Variants in HIPK1 observed in about 807,000 individuals in gnomAD.
The protein encoded by HIPK1 is homeodomain interacting protein kinase 1.
Under a neutral mutation model 117.1 loss-of-function variants are expected in HIPK1, and 28 were observed. The observed-to-expected ratio is 0.24, with a 90% CI of 0.18 to 0.33. HIPK1 has a LOEUF of 0.33. Among genes scored for constraint, HIPK1 ranks in the 10% least tolerant of loss-of-function variants. HIPK1 has a pLI of 1.00. For synonymous variants in HIPK1, 605 were observed against 562.5 expected (o/e 1.08, Z -1.07); for missense variants, 1,122 against 1,475.1 (o/e 0.76, Z 3.92).
chr1:113,934,812 T>G (rs908764293), intron 1 of HIPK1, among the ~76,000 whole-genome samples: 3 of 141,340 alleles, frequency 2.1e-5, no homozygotes, highest in Non-Finnish European at 3.0e-5. Context: ...AAAAAAAAAT[T>G]AGCCAACTGT....
In HIPK1 at chr1:113,963,475, G is replaced by A. The variant is rs1192712824; in HGVS notation, c.2192G>A (p.Cys731Tyr). ...TATGCGGTGCCCTTTACTCTGAGCTGCGCAGCCGGCCGGCCGGCGCTGGTT... is the reference window on the plus strand; with the variant it reads ...TATGCGGTGCCCTTTACTCTGAGCTACGCAGCCGGCCGGCCGGCGCTGGTT... ...PQYAVPFTLS[C>Y]AAGRPALVEQ... The change falls in exon 10 of 16, where the codon TGC (cysteine) becomes TAC (tyrosine). Residue 731 changes from cysteine (C) to tyrosine (Y), a missense_variant. Physicochemically the swap from Cys to Tyr is radical, Grantham distance 194. This residue lies in a region of HIPK1 where 731 missense variants were observed against 860.4 expected (regional missense o/e 0.85). Coordinates refer to ENST00000426820, the MANE Select transcript of HIPK1 (RefSeq NM_198268.3). The A allele has an allele frequency of 1.9e-6, 3 of 1,614,236 alleles. No homozygotes were observed. The African/African-American group carries it at 4.0e-5, about 22-fold the overall frequency.
At chr1:113,943,345 C>T (rs775368587) in intron 2 of HIPK1, among the ~76,000 whole-genome samples, 1 of 152,172 alleles carries the variant, frequency 6.6e-6, no homozygotes, top group Non-Finnish European at 1.5e-5. Context: ...TATGAATTTG[C>T]CTATTCTAGA....
In HIPK1 at chr1:113,942,217, C is replaced by T. The variant is rs182764291; in HGVS notation, c.1076+758C>T. Among the ~76,000 whole-genome samples, 85 of 152,114 alleles carry T rather than the reference C, an allele frequency of 5.6e-4. 1 individual carries two copies. In the East Asian group the frequency reaches 0.013, roughly 22 times the overall value. Reference sequence around the variant, plus strand: ...CTGGGACTACAGGCACCTGCTACCACGCCCGGCTAATTTTTTTGTTTTTAA... The same window carrying T: ...CTGGGACTACAGGCACCTGCTACCATGCCCGGCTAATTTTTTTGTTTTTAA... On this transcript the variant is annotated intron_variant, in intron 2 of 15. Transcript: ENST00000426820.
At chr1:113,950,287 T>TG (rs2101266589) in intron 2 of HIPK1, among the ~76,000 whole-genome samples, 1 of 152,346 alleles carries the variant, frequency 6.6e-6, no homozygotes, top group South Asian at 2.1e-4. Context: ...ACCTGGGTAT[T>TG]CTGTGAGGAG....
intron 1 of HIPK1, 88 bp from the exon 2 acceptor site, chr1:113,940,294 A>G (rs1670561703): frequency 2.6e-6 from 3 of 1,168,288 alleles, no homozygotes; most frequent in South Asian, 1.5e-5. Context: ...TTTATCAAGT[A>G]AAAGTGTGTG....
intron 1 of HIPK1, among the ~76,000 whole-genome samples, chr1:113,940,077 T>TTAAA (rs1188467908): frequency 6.6e-6 from 1 of 151,908 alleles, no homozygotes; most frequent in Non-Finnish European, 1.5e-5. Context: ...AGTGCTGGAA[T>TTAAA]TAAAGGCTTG....
chr1:113,957,839 C>T (rs1671825870), intron 7 of HIPK1, among the ~76,000 whole-genome samples: 1 of 151,604 alleles, frequency 6.6e-6, no homozygotes, highest in Admixed American at 6.6e-5. Flanking sequence ...TAGCCACAGC[C>T]AACATAGGAC....
chr1:113,973,539 A>G lies in HIPK1; in HGVS notation c.*27A>G, dbSNP rs964503123. 1.9e-6 allele frequency: 3 copies of G among 1,549,378 alleles called. No homozygotes were observed. The highest frequency in any genetic ancestry group is 2.6e-6 in the Non-Finnish European group (3 of 1,144,724). On this transcript the variant is annotated 3_prime_UTR_variant, in exon 16 of 16. Transcript: ENST00000426820. ...TGGTGAGCATGAGGGAGGAGGAATC[A>G]TGGCTACCTTCTCCTGGCCCTGCGT...
At chr1:113,949,427 T>C (rs552785634) in intron 2 of HIPK1, among the ~76,000 whole-genome samples, 2 of 152,246 alleles carry the variant, frequency 1.3e-5, no homozygotes, top group East Asian at 1.9e-4. Context: ...AAAGCTTTTA[T>C]GTTGTTTCTG....
chr1:113,932,418 C>A (rs574025435), intron 1 of HIPK1, among the ~76,000 whole-genome samples: 1 of 149,998 alleles, frequency 6.7e-6, no homozygotes, highest in South Asian at 2.1e-4. Context: ...CGCCCTGTCG[C>A]CCAGGTCGGA....
At chr1:113,938,595 G>C (rs1443782060) in intron 1 of HIPK1, among the ~76,000 whole-genome samples, 1 of 151,848 alleles carries the variant, frequency 6.6e-6, no homozygotes, top group Non-Finnish European at 1.5e-5. Context: ...ATAAGGGTAG[G>C]GAAAAAGGGC....
rs1455070933 is a variant in HIPK1, at chr1:113,976,416, C to T, written c.*2904C>T. 1 of 152,356 alleles carries T rather than the reference C, an allele frequency of 6.6e-6. No homozygotes were observed. The highest frequency in any genetic ancestry group is 1.5e-5 in the Non-Finnish European group (1 of 68,000). The allele number at this position is 152,356 out of a possible 1,614,324, so 9.4% of individuals were successfully genotyped here. On this transcript the variant is annotated 3_prime_UTR_variant, in exon 16 of 16. Transcript: ENST00000426820. The stretch of plus-strand genomic sequence containing the variant: ...TTCCTTGTCTTTTTTCTGTAAGGGA[C>T]AAGATTTGTTGTTTTTGTAAGAAAT...
chr1:113,939,747 A>G (rs1670521404), intron 1 of HIPK1, among the ~76,000 whole-genome samples: 1 of 152,126 alleles, frequency 6.6e-6, no homozygotes, highest in Non-Finnish European at 1.5e-5. Context: ...GATAAATATG[A>G]AATGGCTTGT....
At chr1:113,960,026 C>T (rs914056332) in intron 8 of HIPK1, among the ~76,000 whole-genome samples, 4 of 152,262 alleles carry the variant, frequency 2.6e-5, no homozygotes, top group Admixed American at 2.6e-4. Flanking sequence ...GAATTCATAG[C>T]TTCTGTATTT....
intron 1 of HIPK1, chr1:113,933,351 T>C (rs952722753): frequency 1.1e-4 from 21 of 199,108 alleles, no homozygotes; most frequent in Middle Eastern, 2.6e-3. Context: ...CCAGAGAGAC[T>C]TGGTAGTATT....
At chr1:113,929,818 CG>C (rs369641268) in intron 1 of HIPK1, 28,288 of 982,576 alleles carry the variant, frequency 0.029, 514 homozygotes, top group Middle Eastern at 0.074. Flanking sequence ...GGGCGGGGGC[CG>C]GGGCCCGGGC....
At chr1:113,929,642 T>C in intron 1 of HIPK1, 110 bp downstream of exon 1, 7 of 1,048,502 alleles carry the variant, frequency 6.7e-6, no homozygotes, top group Non-Finnish European at 8.8e-6. Context: ...CAACGGCGGC[T>C]GCGGAGCAAG....
At chr1:113,929,812 G>GGGGGCC in intron 1 of HIPK1, 31 of 982,660 alleles carry the variant, frequency 3.2e-5, no homozygotes, top group Non-Finnish European at 3.7e-5. Flanking sequence ...TCCGGGGGGC[G>GGGGGCC]GGGGCCGGGG....
intron 1 of HIPK1, among the ~76,000 whole-genome samples, chr1:113,935,077 A>G (rs1670167434): frequency 1.3e-5 from 2 of 148,582 alleles, no homozygotes. Context: ...TTTGTTATAT[A>G]GGTAATCTAT....
Sources: gnomAD v4.1 joint callset for allele counts (sites outside exome capture counted in the v4.1 genomes callset) on GRCh38, gnomAD v4.1.1 for gene constraint, gnomAD v4.1.1 regional missense constraint, MANE v1.5 for transcripts, NCBI Gene and HGNC (gene_info 2026-07-23, HGNC 2026-07-21) for gene names.